Variants in NR6A1 observed in about 807,000 individuals in gnomAD.
The protein encoded by NR6A1 is retinoic acid receptor-related testis-associated receptor.
In NR6A1, 7 loss-of-function variants were observed where a neutral mutation model predicts 59.1. The ratio of observed to expected loss-of-function variants is 0.12; its 90% confidence interval spans 0.07 to 0.22. The LOEUF is 0.22. NR6A1 is among the 10% of genes least tolerant of loss of function. The pLI is 1.00. For missense variants in NR6A1, 468 were observed against 611.6 expected, an observed-to-expected ratio of 0.77 and a Z score of 2.48; for synonymous variants, 243 against 236.1, an observed-to-expected ratio of 1.03 and a Z score of -0.27.
intron 2 of NR6A1, among the ~76,000 whole-genome samples, chr9:124,666,853 GA>G (rs1837635628): frequency 6.6e-6 from 1 of 152,094 alleles, no homozygotes; most frequent in South Asian, 2.1e-4. Flanking sequence ...CTGACATTGT[GA>G]AATGTGCCTC....
At chr9:124,688,987 A>G (rs1393323408) in intron 2 of NR6A1, among the ~76,000 whole-genome samples, 1 of 152,228 alleles carries the variant, frequency 6.6e-6, no homozygotes, top group African/African-American at 2.4e-5. Context: ...GTTATGGGAA[A>G]TGAAAACCTT....
intron 2 of NR6A1, among the ~76,000 whole-genome samples, chr9:124,642,902 T>A (rs1836807642): frequency 6.6e-6 from 1 of 152,174 alleles, no homozygotes; most frequent in Non-Finnish European, 1.5e-5. Context: ...GTGGGCAGGC[T>A]TGAAGAACCA....
chr9:124,757,461 C>CA (rs34265467), intron 1 of NR6A1, among the ~76,000 whole-genome samples: 49,228 of 110,238 alleles, frequency 0.45, 8,886 homozygotes, highest in Non-Finnish European at 0.51. Context: ...TAAAAAAATG[C>CA]AAAAAAAAAA....
At chr9:124,588,353 A>G (rs140477566) in intron 2 of NR6A1, among the ~76,000 whole-genome samples, 5,848 of 151,608 alleles carry the variant, frequency 0.039, 332 homozygotes, top group African/African-American at 0.12. Flanking sequence ...TGTTGCCCAG[A>G]CTGGAGTACA....
At chr9:124,760,354 G>C (rs1264934336) in intron 1 of NR6A1, among the ~76,000 whole-genome samples, 1 of 151,936 alleles carries the variant, frequency 6.6e-6, no homozygotes, top group African/African-American at 2.4e-5. Flanking sequence ...ATAAAAGCCA[G>C]CATGAGAGAA....
intron 2 of NR6A1, among the ~76,000 whole-genome samples, chr9:124,560,309 A>G (rs1256875888): frequency 1.3e-5 from 2 of 152,106 alleles, no homozygotes; most frequent in Non-Finnish European, 2.9e-5. Flanking sequence ...CCCTTGATCC[A>G]TTTTATCTTT....
At position 124,649,233 on chromosome 9, in the gene NR6A1, C is replaced by CAAAAAAAAAA. The variant is rs78432505; in HGVS notation, c.142+84065_142+84074dup. Among the ~76,000 whole-genome samples the CAAAAAAAAAA allele has an allele frequency of 9.7e-5, 4 of 41,444 alleles. 1 individual carries two copies. Among genetic ancestry groups the CAAAAAAAAAA allele is most frequent in the African/African-American group, 9.2e-5 (1 of 10,858 alleles). The allele number at this position is 41,444 out of a possible 152,430, so 27.2% of individuals were successfully genotyped here. A position where few individuals can be genotyped will look rare whatever the true frequency, so the allele number is the denominator to read the frequency against. ...ATAGTAAGAAAGTGTGGTACTGGCA[C>CAAAAAAAAAA]AAAAAAAAAAAAAAAAAAAAAAGAC... is the stretch of plus-strand genomic sequence containing the variant. On this transcript the variant is annotated intron_variant, in intron 2 of 9. Transcript: ENST00000487099.
chr9:124,697,683 A>G (rs1838813078), intron 2 of NR6A1, among the ~76,000 whole-genome samples: 1 of 152,176 alleles, frequency 6.6e-6, no homozygotes, highest in South Asian at 2.1e-4. Context: ...ATTTAAAAAA[A>G]AAAAAAACAG....
chr9:124,760,608 A>C (rs1436748850), intron 1 of NR6A1, among the ~76,000 whole-genome samples: 1 of 152,202 alleles, frequency 6.6e-6, no homozygotes, highest in Non-Finnish European at 1.5e-5. Flanking sequence ...ACAAATTATT[A>C]ATGCTGTTAC....
At chr9:124,734,404 A>C (rs899341635) in intron 1 of NR6A1, among the ~76,000 whole-genome samples, 1 of 152,174 alleles carries the variant, frequency 6.6e-6, no homozygotes, top group African/African-American at 2.4e-5. Flanking sequence ...GAAATATCGG[A>C]TCTTGGTGCC....
chr9:124,765,827 A>C (rs1200364112), intron 1 of NR6A1, among the ~76,000 whole-genome samples: 1 of 152,244 alleles, frequency 6.6e-6, no homozygotes, highest in African/African-American at 2.4e-5. Flanking sequence ...ATGAAGAACG[A>C]AATACCGTAG....
chr9:124,537,743 C>T (rs949606632), intron 6 of NR6A1, among the ~76,000 whole-genome samples: 1 of 152,068 alleles, frequency 6.6e-6, no homozygotes, highest in Admixed American at 6.5e-5. Flanking sequence ...TGTGAAGGAG[C>T]CTATATCCGA....
rs1235228316 is a variant in NR6A1 at position 124,771,176 on chromosome 9, G to C, written c.-57C>G. The C allele has an allele frequency of 4.0e-6, 4 of 994,400 alleles. No homozygotes were observed. Among genetic ancestry groups the C allele is most frequent in the Admixed American group, 4.3e-5 (1 of 23,382 alleles). The allele number at this position is 994,400 out of a possible 1,614,324, so 61.6% of individuals were successfully genotyped here. On this transcript the variant is annotated 5_prime_UTR_variant, in exon 1 of 10. Transcript: ENST00000487099. ...TTGCTCCGCCATGACCGGCGCCCTAGTCGCCGTGGTCGTCGTCCGCCGAGG... is the reference window on the plus strand; with the variant it reads ...TTGCTCCGCCATGACCGGCGCCCTACTCGCCGTGGTCGTCGTCCGCCGAGG...
intron 1 of NR6A1, among the ~76,000 whole-genome samples, chr9:124,742,694 G>A (rs1005780426): frequency 6.6e-6 from 1 of 152,070 alleles, no homozygotes; most frequent in Admixed American, 6.5e-5. Context: ...GGCTAACACG[G>A]TGAAACCCCG....
chr9:124,573,435 G>GT (rs1834502952), intron 2 of NR6A1, among the ~76,000 whole-genome samples: 1 of 152,132 alleles, frequency 6.6e-6, no homozygotes. Context: ...CTTTCACCCT[G>GT]TAACTTTCTG....
chr9:124,525,272 T>C (rs1337931051), intron 8 of NR6A1, among the ~76,000 whole-genome samples: 1 of 130,160 alleles, frequency 7.7e-6, no homozygotes, highest in Non-Finnish European at 1.6e-5. Flanking sequence ...ACCTACACAT[T>C]CATGCTTGTA....
chr9:124,571,045 T>C, intron 2 of NR6A1, among the ~76,000 whole-genome samples: 1 of 152,142 alleles, frequency 6.6e-6, no homozygotes, highest in East Asian at 1.9e-4. Context: ...GAGCAGTCAA[T>C]ACTAAACTAG....
At position 124,653,243 on chromosome 9, in the gene NR6A1, C is replaced by T. The variant is rs188360484; in HGVS notation, c.142+80065G>A. Among the ~76,000 whole-genome samples, 181 of 151,778 alleles carry T rather than the reference C, an allele frequency of 1.2e-3. 1 individual carries two copies. Among genetic ancestry groups the T allele is most frequent in the Non-Finnish European group, 2.0e-3 (133 of 67,956 alleles). On this transcript the variant is annotated intron_variant, in intron 2 of 9. Transcript: ENST00000487099. ...AAGTTCTGGCTGCCCCTTCAGTAAG[C>T]TGTGAAATCAACTGAGTAGCTTGCA...
intron 2 of NR6A1, among the ~76,000 whole-genome samples, chr9:124,716,082 T>C (rs1364680435): frequency 6.6e-6 from 1 of 152,064 alleles, no homozygotes; most frequent in Non-Finnish European, 1.5e-5. Context: ...TGTGCACCTG[T>C]GGTCCCAGCT....
Sources: allele counts gnomAD v4.1 joint callset (sites outside exome capture counted in the v4.1 genomes callset), GRCh38; gene constraint gnomAD v4.1.1; transcripts MANE v1.5; gene names NCBI Gene and HGNC (gene_info 2026-07-23, HGNC 2026-07-21).